The following DMGDH variants were observed in gnomAD, a reference collection of about 807,000 sequenced individuals.
The protein encoded by DMGDH is dimethylglycine dehydrogenase, mitochondrial.
In DMGDH, 76 loss-of-function variants were observed where a neutral mutation model predicts 95.2. That is an observed-to-expected ratio of 0.80 (90% CI 0.66 to 0.97). DMGDH has a LOEUF of 0.97. Ranked by LOEUF, DMGDH falls within the 50% of genes least tolerant of loss-of-function variation. The pLI is 0.00. For missense variants in DMGDH, 987 were observed against 1,055.0 expected (o/e 0.94, Z 0.89); for synonymous variants, 345 against 377.6 (o/e 0.91, Z 1.00).
At chr5:79,002,087 T>C (rs1391445331) in intron 15 of DMGDH, among the ~76,000 whole-genome samples, 2 of 152,240 alleles carry the variant, frequency 1.3e-5, no homozygotes, top group East Asian at 3.8e-4. Context: ...TTTAGCCTTT[T>C]CTCATTTCTC....
intron 14 of DMGDH, chr5:79,021,509 G>A: frequency 2.4e-6 from 3 of 1,274,168 alleles, no homozygotes; most frequent in Non-Finnish European, 2.0e-6. Context: ...GGAAGCAAGG[G>A]CCACTGCGCC....
At chr5:79,033,112 G>T in intron 8 of DMGDH, 127 bp downstream of exon 8, 1 of 1,183,318 alleles carries the variant, frequency 8.5e-7, no homozygotes. Context: ...TGTCTCAGGG[G>T]CACAATGCTT....
intron 14 of DMGDH, among the ~76,000 whole-genome samples, chr5:79,010,017 A>G (rs1753619054): frequency 6.6e-6 from 1 of 152,186 alleles, no homozygotes; most frequent in African/African-American, 2.4e-5. Flanking sequence ...TTTCTGGAAC[A>G]CTGAGACTGT....
intron 10 of DMGDH, 113 bp downstream of exon 10, chr5:79,030,720 T>C: frequency 2.7e-6 from 3 of 1,107,714 alleles, no homozygotes; most frequent in South Asian, 1.4e-5. Flanking sequence ...TTTTGGTCAG[T>C]TGAAGAGTTC....
intron 14 of DMGDH, among the ~76,000 whole-genome samples, chr5:79,010,233 G>C (rs1264173098): frequency 1.3e-5 from 2 of 152,140 alleles, no homozygotes; most frequent in Non-Finnish European, 2.9e-5. Flanking sequence ...ACATGTAAAT[G>C]AAAGAAAGTA....
At chr5:78,999,347 T>C (rs974762478) in intron 15 of DMGDH, among the ~76,000 whole-genome samples, 1 of 152,190 alleles carries the variant, frequency 6.6e-6, no homozygotes, top group Non-Finnish European at 1.5e-5. Context: ...TTTCTTTTGT[T>C]TGAGACAGAG....
In DMGDH at chr5:79,031,332, G is replaced by C. The variant is rs1229243883; in HGVS notation, c.1518-334C>G. Among the ~76,000 whole-genome samples, 5 of 152,286 alleles carry C rather than the reference G, an allele frequency of 3.3e-5. No homozygotes were observed. In the South Asian group the frequency reaches 1.0e-3, roughly 32 times the overall value. On this transcript the variant is annotated intron_variant, in intron 9 of 15. Coordinates refer to ENST00000255189, the MANE Select transcript of DMGDH (RefSeq NM_013391.3). ...AGTCTGGTGGTTTTCAACTCTAGAC[G>C]CATATTAGAATCATCTGGAGAGCAT...
chr5:79,039,351 A>C (rs1293154573), intron 7 of DMGDH, among the ~76,000 whole-genome samples: 1 of 152,218 alleles, frequency 6.6e-6, no homozygotes, highest in Non-Finnish European at 1.5e-5. Flanking sequence ...AATGTGGCAC[A>C]TATACACCAT....
At chr5:79,063,514 A>T in intron 2 of DMGDH, 99 bp downstream of exon 2, 1 of 1,429,868 alleles carries the variant, frequency 7.0e-7, no homozygotes, top group South Asian at 1.2e-5. Context: ...AGGGGAACGC[A>T]CTCTAAAGAG....
chr5:79,056,474 C>T (rs1276009201), intron 2 of DMGDH, among the ~76,000 whole-genome samples: 2 of 151,976 alleles, frequency 1.3e-5, no homozygotes, highest in Non-Finnish European at 2.9e-5. Context: ...AACTAAAAGG[C>T]GGAGCTTGCA....
Position 79,007,901 on chromosome 5 carries a change from C to A in DMGDH, c.2251-2494G>T, listed in dbSNP as rs1753579163. Among the ~76,000 whole-genome samples, 3 of 152,100 alleles carry A rather than the reference C, an allele frequency of 2.0e-5. No homozygotes were observed. In the South Asian group the frequency reaches 6.2e-4, roughly 32 times the overall value. ...GAGCTTCAGAGAACATGATCTTGGG[C>A]CCAGTCCTGAAATTACTACATCTCC... On this transcript the variant is annotated intron_variant, in intron 14 of 15. Coordinates refer to ENST00000255189, the MANE Select transcript of DMGDH (RefSeq NM_013391.3).
intron 15 of DMGDH, chr5:79,000,575 C>A (rs906606038): frequency 3.3e-6 from 2 of 602,112 alleles, no homozygotes; most frequent in Non-Finnish European, 6.5e-6. Flanking sequence ...AGTGCTGTCA[C>A]CGAACTTTCT....
At chr5:79,041,176 G>A (rs1754498494) in intron 7 of DMGDH, among the ~76,000 whole-genome samples, 1 of 152,204 alleles carries the variant, frequency 6.6e-6, no homozygotes, top group Non-Finnish European at 1.5e-5. Flanking sequence ...CTTCACTGCT[G>A]CTACCTTGGT....
At chr5:79,043,382 G>C (rs1252491928) in intron 6 of DMGDH, among the ~76,000 whole-genome samples, 1 of 152,164 alleles carries the variant, frequency 6.6e-6, no homozygotes, top group Non-Finnish European at 1.5e-5. Flanking sequence ...CCTCCCTGTG[G>C]GATCAGGAGC....
chr5:79,051,277 A>G lies in DMGDH; in HGVS notation c.745+10T>C. On this transcript the variant is annotated intron_variant, in intron 5 of 15. Coordinates refer to ENST00000255189, the MANE Select transcript of DMGDH (RefSeq NM_013391.3). ...AAAAAACACTAATTTCAAAAAAATG[A>G]TATGCTTACCTGCAGCATTCACAAT... 6.2e-7 allele frequency: 1 copy of G among 1,613,872 alleles called. No individual in the cohort carries two copies. Among genetic ancestry groups the G allele is most frequent in the Non-Finnish European group, 8.5e-7 (1 of 1,179,766 alleles).
At chr5:79,042,517 G>A (rs956297080) in intron 6 of DMGDH, 36 bp from the exon 7 acceptor site, 2 of 1,603,152 alleles carry the variant, frequency 1.2e-6, no homozygotes, top group African/African-American at 2.7e-5. Flanking sequence ...GGATGCCGTA[G>A]CTGAGCTGAC....
intron 1 of DMGDH, among the ~76,000 whole-genome samples, chr5:79,067,150 T>G (rs1296909814): frequency 2.6e-5 from 4 of 152,350 alleles, no homozygotes; most frequent in African/African-American, 9.6e-5. Flanking sequence ...TTGACTCCTG[T>G]ATGCTTTTGA....
At chr5:79,050,273 A>AATATATATATAT (rs761250761) in intron 5 of DMGDH, among the ~76,000 whole-genome samples, 12 of 20,918 alleles carry the variant, frequency 5.7e-4, no homozygotes, top group African/African-American at 1.7e-3. Flanking sequence ...AAAAAAAAAA[A>AATATATATATAT]ATATATATAT....
intron 14 of DMGDH, among the ~76,000 whole-genome samples, chr5:79,006,850 C>CCGCCCCG (rs1554033741): frequency 6.8e-6 from 1 of 147,568 alleles, no homozygotes; most frequent in Non-Finnish European, 1.5e-5. Context: ...CTGAGACCCC[C>CCGCCCCG]CCAGTCCATT....
Sources: gnomAD v4.1 joint callset for allele counts (sites outside exome capture counted in the v4.1 genomes callset) on GRCh38, gnomAD v4.1.1 for gene constraint, MANE v1.5 for transcripts, NCBI Gene and HGNC (gene_info 2026-07-23, HGNC 2026-07-21) for gene names.